Variants in RAP2A observed in about 807,000 individuals in gnomAD.
RAP2A encodes the protein ras-related protein Rap-2a.
A neutral mutation model predicts 15.1 loss-of-function variants in RAP2A; 5 were observed. The ratio of observed to expected loss-of-function variants is 0.33; its 90% CI spans 0.17 to 0.70. The LOEUF is 0.70. RAP2A is among the 30% of genes least tolerant of loss of function. The probability of loss-of-function intolerance (pLI) is 0.68; values close to 1 mark genes in which losing one functional copy is unlikely to be tolerated. For missense variants in RAP2A, 111 were observed against 240.3 expected, an observed-to-expected ratio of 0.46 and a Z score of 3.56; for synonymous variants, 110 against 99.7, an observed-to-expected ratio of 1.10 and a Z score of -0.62.
At chr13:97,463,119 AAC>A (rs10582343) in intron 1 of RAP2A, among the ~76,000 whole-genome samples, 40,623 of 151,584 alleles carry the variant, frequency 0.27, 6,314 homozygotes, top group Non-Finnish European at 0.36. Flanking sequence ...CACACACACA[AAC>A]ACACACACAC....
Position 97,464,532 on chromosome 13 carries a change from G to C in RAP2A, c.*90G>C. 8.3e-7 allele frequency: 1 copy of C among 1,203,442 alleles called. No individual in the cohort carries two copies. Among genetic ancestry groups the C allele is most frequent in the South Asian group, 1.3e-5 (1 of 77,102 alleles). 74.5% of individuals were successfully genotyped at this position (1,203,442 alleles called of 1,614,324 possible). ...CTCCACTGCAGAACTTGCAGAATGC[G>C]TGGTGTTAATCTACAGAGAACTGCA... On this transcript the variant is annotated 3_prime_UTR_variant, in exon 2 of 2. Transcript: ENST00000245304.
intron 1 of RAP2A, among the ~76,000 whole-genome samples, chr13:97,440,173 C>T (rs2066651343): frequency 6.6e-6 from 1 of 152,056 alleles, no homozygotes; most frequent in African/African-American, 2.4e-5. Flanking sequence ...ACCTGCTTCC[C>T]CAGTACCAAA....
At position 97,457,793 on chromosome 13, in the gene RAP2A, A is replaced by G. The variant is rs1440977370; in HGVS notation, c.315-6412A>G. Among the ~76,000 whole-genome samples the G allele has an allele frequency of 2.0e-5, 3 of 152,192 alleles. No individual in the cohort carries two copies. The East Asian group carries it at 5.8e-4, about 29-fold the overall frequency. Reference sequence around the variant, plus strand: ...CATTCTCACAGAGCCAAGATTAAGAATTAAAAAAATGTTTTTTTGTTTCCT... The same window carrying G: ...CATTCTCACAGAGCCAAGATTAAGAGTTAAAAAAATGTTTTTTTGTTTCCT... On this transcript the variant is annotated intron_variant, in intron 1 of 1. Transcript: ENST00000245304.
intron 1 of RAP2A, chr13:97,436,155 A>G (rs769485490): frequency 3.9e-5 from 6 of 152,190 alleles, no homozygotes; most frequent in Non-Finnish European, 8.8e-5. Flanking sequence ...AATAAAGCAG[A>G]TATTTTCGTG....
rs566344444 is a variant in RAP2A at position 97,456,438 on chromosome 13, T to C, written c.315-7767T>C. On this transcript the variant is annotated intron_variant, in intron 1 of 1. Transcript: ENST00000245304. ...GTTTTTATTTGTAATCAGCAGGAGA[T>C]AGGCACTTTAATGGGCTTATGCTAT... Among the ~76,000 whole-genome samples, 33 of 152,310 alleles carry C rather than the reference T, an allele frequency of 2.2e-4. No homozygotes were observed. The East Asian group carries it at 6.2e-3, about 28-fold the overall frequency.
At chr13:97,456,903 T>C (rs2066725239) in intron 1 of RAP2A, among the ~76,000 whole-genome samples, 1 of 152,162 alleles carries the variant, frequency 6.6e-6, no homozygotes, top group South Asian at 2.1e-4. Context: ...GAGGGCAGGT[T>C]TACTTAGCTC....
rs527765446 is a variant in RAP2A at position 97,444,645 on chromosome 13, A to G, written c.314+9861A>G. On this transcript the variant is annotated intron_variant, in intron 1 of 1. Transcript: ENST00000245304. ...TCTGGTGTGCCAAAATGTCCTATAA[A>G]TGGGTATATATTTTGCAGTATTGAG... is the stretch of plus-strand genomic sequence containing the variant. 6.6e-5 allele frequency among the ~76,000 whole-genome samples: 10 copies of G among 152,306 alleles called. No individual in the cohort carries two copies. The South Asian group carries it at 2.1e-3, about 32-fold the overall frequency.
rs2066763899 is a variant in RAP2A at position 97,464,864 on chromosome 13, C to G, written c.*422C>G. ...AAATAAGTAAAGGAGAAATATTTTCCTACAAGAGTACTGAATTTCAGGAAA... is the reference window on the plus strand; with the variant it reads ...AAATAAGTAAAGGAGAAATATTTTCGTACAAGAGTACTGAATTTCAGGAAA... On this transcript the variant is annotated 3_prime_UTR_variant, in exon 2 of 2. Transcript: ENST00000245304. 6.2e-6 allele frequency: 1 copy of G among 161,548 alleles called. No homozygotes were observed. The highest frequency in any genetic ancestry group is 2.4e-5 in the African/African-American group (1 of 41,616). The allele number at this position is 161,548 out of a possible 1,614,324, so 10.0% of individuals were successfully genotyped here.
intron 1 of RAP2A, among the ~76,000 whole-genome samples, chr13:97,461,524 G>A (rs1027983608): frequency 6.6e-6 from 1 of 152,138 alleles, no homozygotes; most frequent in African/African-American, 2.4e-5. Context: ...TTGAGAATTA[G>A]GTTGATGGTA....
At chr13:97,454,831 T>C (rs2066716283) in intron 1 of RAP2A, among the ~76,000 whole-genome samples, 1 of 151,496 alleles carries the variant, frequency 6.6e-6, no homozygotes, top group Non-Finnish European at 1.5e-5. Context: ...TTAGATTTCC[T>C]TCACTTGAGA....
At chr13:97,463,211 A>G (rs1414578312) in intron 1 of RAP2A, among the ~76,000 whole-genome samples, 32 of 152,258 alleles carry the variant, frequency 2.1e-4, no homozygotes, top group Admixed American at 2.1e-3. Flanking sequence ...GAACAAACAT[A>G]AAGAAGAATA....
chr13:97,462,054 TTATA>T (rs922529972), intron 1 of RAP2A, among the ~76,000 whole-genome samples: 8 of 145,180 alleles, frequency 5.5e-5, no homozygotes, highest in Middle Eastern at 3.6e-3. Context: ...ATATATATAT[TTATA>T]TATATATTTA....
chr13:97,434,608 G>A lies in RAP2A; in HGVS notation c.138G>A (p.Val46=). 3.1e-6 allele frequency: 5 copies of A among 1,614,158 alleles called. No homozygotes were observed. Among genetic ancestry groups the A allele is most frequent in the Non-Finnish European group, 4.2e-6 (5 of 1,180,016 alleles). Reference sequence around the variant, plus strand: ...ACTTCTACCGCAAGGAGATCGAGGTGGATTCGTCGCCGTCGGTGCTGGAGA... The same window carrying A: ...ACTTCTACCGCAAGGAGATCGAGGTAGATTCGTCGCCGTCGGTGCTGGAGA... ...IEDFYRKEIE[V]DSSPSVLEIL... is the part of the protein sequence containing the mutation. The change falls in exon 1 of 2, where the codon GTG becomes GTA. Residue 46 remains valine (V), a synonymous_variant. Transcript: ENST00000245304.
chr13:97,452,044 G>T (rs1177986883), intron 1 of RAP2A, among the ~76,000 whole-genome samples: 1 of 151,144 alleles, frequency 6.6e-6, no homozygotes, highest in Non-Finnish European at 1.5e-5. Flanking sequence ...TTTATTAGAT[G>T]TATGTATTGC....
At chr13:97,461,982 ATATATATT>A (rs955747551) in intron 1 of RAP2A, among the ~76,000 whole-genome samples, 8 of 143,968 alleles carry the variant, frequency 5.6e-5, no homozygotes, top group South Asian at 2.1e-4. Flanking sequence ...ATATATATAT[ATATATATT>A]TATATATTTA....
intron 1 of RAP2A, among the ~76,000 whole-genome samples, chr13:97,463,389 G>A (rs2066756757): frequency 6.6e-6 from 1 of 152,078 alleles, no homozygotes; most frequent in Non-Finnish European, 1.5e-5. Flanking sequence ...TTTTCCAAAC[G>A]TGTTTACTCA....
At chr13:97,462,046 A>ATAGATATT (rs1480204798) in intron 1 of RAP2A, among the ~76,000 whole-genome samples, 1 of 145,140 alleles carries the variant, frequency 6.9e-6, no homozygotes, top group Non-Finnish European at 1.5e-5. Flanking sequence ...ATATATTTAT[A>ATAGATATT]TATATATTTA....
At chr13:97,445,384 A>G (rs1047847434) in intron 1 of RAP2A, among the ~76,000 whole-genome samples, 1 of 152,232 alleles carries the variant, frequency 6.6e-6, no homozygotes, top group Non-Finnish European at 1.5e-5. Context: ...CCACATACAT[A>G]CATACATGCA....
intron 1 of RAP2A, among the ~76,000 whole-genome samples, chr13:97,436,427 T>C (rs1227859404): frequency 1.3e-5 from 2 of 152,102 alleles, no homozygotes; most frequent in Admixed American, 1.3e-4. Context: ...AATGCATACA[T>C]CAAAAAATAA....
Sources: gnomAD v4.1 joint callset for allele counts (sites outside exome capture counted in the v4.1 genomes callset) on GRCh38, gnomAD v4.1.1 for gene constraint, MANE v1.5 for transcripts, NCBI Gene and HGNC (gene_info 2026-07-23, HGNC 2026-07-21) for gene names.